DOCK10: variants seen among roughly 807,000 people sequenced by gnomAD.
The protein encoded by DOCK10 is dedicator of cytokinesis 10, also known as dedicator of cytokinesis protein 10.
DOCK10 carries 145 observed loss-of-function variants against 280.1 expected under a neutral mutation model. The ratio of observed to expected loss-of-function variants is 0.52; its 90% CI spans 0.45 to 0.59. DOCK10 has a LOEUF of 0.59. Ranked by LOEUF, DOCK10 falls within the 20% of genes least tolerant of loss-of-function variation. The pLI is 0.00. For synonymous variants in DOCK10, 915 were observed against 942.2 expected, an observed-to-expected ratio of 0.97 and a Z score of 0.53; for missense variants, 2,368 against 2,651.7, an observed-to-expected ratio of 0.89 and a Z score of 2.35.
At chr2:224,919,527 G>A (rs1377449232) in intron 2 of DOCK10, among the ~76,000 whole-genome samples, 1 of 151,066 alleles carries the variant, frequency 6.6e-6, no homozygotes, top group African/African-American at 2.4e-5. Context: ...GTGAATGTGT[G>A]TGGTGTGTCT....
intron 14 of DOCK10, 78 bp downstream of exon 14, chr2:224,862,586 C>T (rs1697581017): frequency 1.7e-6 from 2 of 1,209,752 alleles, no homozygotes; most frequent in African/African-American, 3.0e-5. Flanking sequence ...ATAGGCAACA[C>T]AAAAACGTTC....
chr2:224,886,945 T>G (rs1211912166), intron 4 of DOCK10, among the ~76,000 whole-genome samples: 2 of 151,764 alleles, frequency 1.3e-5, no homozygotes, highest in African/African-American at 4.9e-5. Flanking sequence ...GTATTTTTTG[T>G]GGGGATGGGG....
chr2:224,829,393 G>A (rs777667722), intron 27 of DOCK10, among the ~76,000 whole-genome samples: 16 of 152,172 alleles, frequency 1.1e-4, no homozygotes, highest in Middle Eastern at 3.2e-3. Context: ...CCTAGTGGGG[G>A]AGGCCAGGTG....
At chr2:224,945,639 T>C (rs945215156) in intron 1 of DOCK10, among the ~76,000 whole-genome samples, 1 of 152,110 alleles carries the variant, frequency 6.6e-6, no homozygotes, top group Non-Finnish European at 1.5e-5. Flanking sequence ...AACGTACTTA[T>C]TCATATTTAT....
At chr2:224,941,114 C>T (rs1703037221) in intron 1 of DOCK10, among the ~76,000 whole-genome samples, 1 of 151,928 alleles carries the variant, frequency 6.6e-6, no homozygotes, top group African/African-American at 2.4e-5. Flanking sequence ...CACTATCATA[C>T]ATAATGGCAA....
chr2:224,794,800 C>A lies in DOCK10; in HGVS notation c.5154+79G>T, dbSNP rs1230986869. 4.4e-6 allele frequency: 6 copies of A among 1,378,280 alleles called. No homozygotes were observed. In the Admixed American group the frequency reaches 6.9e-5, roughly 16 times the overall value. The allele number at this position is 1,378,280 out of a possible 1,614,324, so 85.4% of individuals were successfully genotyped here. A position where few individuals can be genotyped will look rare whatever the true frequency, so the allele number is the denominator to read the frequency against. On this transcript the variant is annotated intron_variant, in intron 45 of 55. Coordinates refer to ENST00000258390, the MANE Select transcript of DOCK10 (RefSeq NM_014689.3). ...GAAAAACATGGCATCCTTTTCTAGT[C>A]CATGCTGTAAATGAAAATCCAATTT...
intron 1 of DOCK10, chr2:224,947,150 G>A: frequency 1.1e-6 from 1 of 874,756 alleles, no homozygotes; most frequent in South Asian, 2.4e-5. Flanking sequence ...ACTACCAGCT[G>A]TTCAGATACT....
chr2:224,949,977 A>G (rs1325809662), intron 1 of DOCK10, among the ~76,000 whole-genome samples: 2 of 152,220 alleles, frequency 1.3e-5, no homozygotes, highest in Admixed American at 1.3e-4. Flanking sequence ...GAGAGGAGAG[A>G]TAGAATCAAT....
rs1553623568 is a variant in DOCK10, at chr2:224,961,406, T to TTC, written c.124-29740_124-29739dup. 2.3e-3 allele frequency among the ~76,000 whole-genome samples: 260 copies of TTC among 115,514 alleles called. 2 individuals carry two copies. Among genetic ancestry groups the TTC allele is most frequent in the Middle Eastern group, 0.021 (5 of 234 alleles). 75.8% of individuals were successfully genotyped at this position (115,514 alleles called of 152,430 possible). On this transcript the variant is annotated intron_variant, in intron 1 of 55. Coordinates refer to ENST00000258390, the MANE Select transcript of DOCK10 (RefSeq NM_014689.3). ...TTTTGCATAGCAGCATTTTCTTTCT[T>TTC]TCTTTCTCTTTCTTTCTTTCTTTCT...
In DOCK10 at chr2:225,019,588, C is replaced by T. The variant is rs149851140; in HGVS notation, c.123+22664G>A. Among the ~76,000 whole-genome samples, 302 of 152,070 alleles carry T rather than the reference C, an allele frequency of 2.0e-3. 2 individuals carry two copies. The highest frequency in any genetic ancestry group is 6.4e-3 in the African/African-American group (265 of 41,486). ...TCCTTCCTGGCTTCCATCTGGTTCC[C>T]GCTGCTCAATGCCTACTATTTTCTC... On this transcript the variant is annotated intron_variant, in intron 1 of 55. Coordinates refer to ENST00000258390, the MANE Select transcript of DOCK10 (RefSeq NM_014689.3).
chr2:224,852,354 G>C (rs1559561797), intron 18 of DOCK10, 23 bp downstream of exon 18: 1 of 1,555,664 alleles, frequency 6.4e-7, no homozygotes, highest in Non-Finnish European at 8.7e-7. Context: ...TTTATGCTGG[G>C]TCCCTTTGCT....
intron 1 of DOCK10, among the ~76,000 whole-genome samples, chr2:225,022,956 T>C (rs997763448): frequency 1.3e-5 from 2 of 152,232 alleles, no homozygotes; most frequent in Non-Finnish European, 2.9e-5. Flanking sequence ...CTGTTCCTAA[T>C]TACCAACATA....
rs948556740 is a variant in DOCK10, at chr2:224,875,956, C to G, written c.931+82G>C. On this transcript the variant is annotated intron_variant, in intron 8 of 55. Coordinates refer to ENST00000258390, the MANE Select transcript of DOCK10 (RefSeq NM_014689.3). The stretch of plus-strand genomic sequence containing the variant: ...ATGGATGAGCTAGACCAGACAGCAA[C>G]TACAATGCCTAGCAGCTTTAGTGAA... 9.4e-5 allele frequency: 134 copies of G among 1,420,046 alleles called. 1 individual carries two copies. In the African/African-American group the frequency reaches 1.8e-3, roughly 19 times the overall value. The allele number at this position is 1,420,046 out of a possible 1,614,324, so 88.0% of individuals were successfully genotyped here.
At chr2:224,919,110 G>A (rs1455932775) in intron 2 of DOCK10, among the ~76,000 whole-genome samples, 1 of 148,970 alleles carries the variant, frequency 6.7e-6, no homozygotes, top group Non-Finnish European at 1.5e-5. Flanking sequence ...TGTGTGGTGA[G>A]TTTATGTGTA....
Position 224,931,647 on chromosome 2 carries a change from C to A in DOCK10, c.145G>T (p.Glu49Ter). The change falls in exon 2 of 56, where the codon GAG becomes TAG. Residue 49 changes from glutamate (E) to a stop codon, truncating the protein, a stop_gained. Coordinates refer to ENST00000258390, the MANE Select transcript of DOCK10 (RefSeq NM_014689.3). LOFTEE classifies it high-confidence loss of function. ...QQRQEKPRLL[E>*]PLDYETVIEE... ...ATGACAGTCTCATAATCCAAAGGCT[C>A]GAGAAGCCTAGGCTTTTCTTGCTGT... The A allele has an allele frequency of 6.2e-7, 1 of 1,608,646 alleles. No homozygotes were observed. The highest frequency in any genetic ancestry group is 8.5e-7 in the Non-Finnish European group (1 of 1,177,344).
intron 1 of DOCK10, among the ~76,000 whole-genome samples, chr2:225,024,291 T>C (rs1010643037): frequency 7.9e-5 from 12 of 152,226 alleles, no homozygotes; most frequent in Non-Finnish European, 1.0e-4. Flanking sequence ...ATCTTATCAA[T>C]ACTGATTTCT....
chr2:224,808,066 T>G lies in DOCK10; in HGVS notation c.3430A>C (p.Thr1144Pro). The stretch of plus-strand genomic sequence containing the variant: ...AAGTGTTTGCGACAAAATTCATTTG[T>G]GACTGAATATTCAGGCATATCTTTG... ...HASDMPEYSV[T>P]NEFCRKHFLI... is the part of the protein sequence containing the mutation. Residue 1144 changes from threonine to proline, a missense_variant, in exon 32 of 56, where the codon ACA (threonine) becomes CCA (proline). Coordinates refer to ENST00000258390, the MANE Select transcript of DOCK10 (RefSeq NM_014689.3). 6.2e-7 allele frequency: 1 copy of G among 1,611,998 alleles called. No individual in the cohort carries two copies. The highest frequency in any genetic ancestry group is 1.7e-5 in the Admixed American group (1 of 59,644).
At chr2:224,941,717 G>A (rs1370579826) in intron 1 of DOCK10, among the ~76,000 whole-genome samples, 3 of 151,826 alleles carry the variant, frequency 2.0e-5, no homozygotes, top group Non-Finnish European at 2.9e-5. Context: ...GGTGGCATGC[G>A]CCTGCAATCC....
intron 1 of DOCK10, among the ~76,000 whole-genome samples, chr2:224,991,233 C>G (rs967145466): frequency 6.6e-6 from 1 of 152,158 alleles, no homozygotes; most frequent in East Asian, 1.9e-4. Flanking sequence ...TGAAATAACG[C>G]AGCCTAGAAA....
Sources: gnomAD v4.1 joint callset for allele counts (sites outside exome capture counted in the v4.1 genomes callset) on GRCh38, gnomAD v4.1.1 for gene constraint, MANE v1.5 for transcripts, NCBI Gene and HGNC (gene_info 2026-07-23, HGNC 2026-07-21) for gene names.